The following CSMD1 variants were observed in gnomAD, a reference collection of about 807,000 sequenced individuals.
CSMD1 encodes CUB and Sushi multiple domains 1, also known as CUB and sushi domain-containing protein 1.
A neutral mutation model predicts 417.5 loss-of-function variants in CSMD1; 213 were observed. That is an observed-to-expected ratio of 0.51 (90% CI 0.46 to 0.57). CSMD1 has a LOEUF of 0.57. Ranked by LOEUF, CSMD1 falls within the 20% of genes least tolerant of loss-of-function variation. The pLI, the probability that CSMD1 is intolerant of heterozygous loss-of-function variation, is 0.00. For missense variants in CSMD1, 6,923 were observed against 4,529.7 expected (o/e 1.53, Z -15.17); for synonymous variants, 2,862 against 1,736.8 (o/e 1.65, Z -16.11).
At chr8:4,268,059 C>G (rs747613562) in intron 3 of CSMD1, among the ~76,000 whole-genome samples, 1 of 152,166 alleles carries the variant, frequency 6.6e-6, no homozygotes, top group African/African-American at 2.4e-5. Flanking sequence ...TTCACAATTT[C>G]AAAATCCTCG....
intron 3 of CSMD1, among the ~76,000 whole-genome samples, chr8:4,139,255 G>A (rs1414172409): frequency 6.6e-6 from 1 of 152,184 alleles, no homozygotes; most frequent in African/African-American, 2.4e-5. Flanking sequence ...GCTTCATTAT[G>A]CATCAGTGTA....
At chr8:3,532,140 T>C (rs1250873566) in intron 10 of CSMD1, among the ~76,000 whole-genome samples, 1 of 152,090 alleles carries the variant, frequency 6.6e-6, no homozygotes, top group Non-Finnish European at 1.5e-5. Flanking sequence ...CTCTCTGGAG[T>C]AGAAAGGTGT....
At chr8:4,373,260 A>G (rs1468297453) in intron 3 of CSMD1, among the ~76,000 whole-genome samples, 1 of 152,206 alleles carries the variant, frequency 6.6e-6, no homozygotes, top group Non-Finnish European at 1.5e-5. Context: ...CGAAGGTATG[A>G]TAAGTAAATG....
chr8:3,495,899 T>A (rs1796343315), intron 10 of CSMD1, among the ~76,000 whole-genome samples: 1 of 152,154 alleles, frequency 6.6e-6, no homozygotes, highest in Non-Finnish European at 1.5e-5. Context: ...TTTTTACATA[T>A]AATTATCTTA....
chr8:3,260,580 C>T (rs966564178), intron 26 of CSMD1, among the ~76,000 whole-genome samples: 6 of 151,884 alleles, frequency 4.0e-5, no homozygotes, highest in African/African-American at 1.2e-4. Flanking sequence ...CCACCGAGAA[C>T]AAACCCCCCT....
At chr8:3,010,990 T>C (rs1386174141) in intron 52 of CSMD1, among the ~76,000 whole-genome samples, 2 of 152,104 alleles carry the variant, frequency 1.3e-5, no homozygotes, top group African/African-American at 4.8e-5. Context: ...CCTCCCAAAG[T>C]GCTGGGATTA....
intron 41 of CSMD1, among the ~76,000 whole-genome samples, chr8:3,142,019 G>A (rs192378330): frequency 1.3e-5 from 2 of 151,956 alleles, no homozygotes; most frequent in Non-Finnish European, 2.9e-5. Flanking sequence ...GGATGGTCTC[G>A]ATCTCCTGAC....
chr8:2,998,841 C>G (rs544069707), intron 53 of CSMD1, among the ~76,000 whole-genome samples: 26 of 152,302 alleles, frequency 1.7e-4, no homozygotes, highest in Admixed American at 1.2e-3. Flanking sequence ...AGTCATAAAA[C>G]TGGTGTTTTC....
At chr8:4,226,577 C>G (rs917803268) in intron 3 of CSMD1, among the ~76,000 whole-genome samples, 1 of 152,122 alleles carries the variant, frequency 6.6e-6, no homozygotes, top group African/African-American at 2.4e-5. Flanking sequence ...AAACTAATAA[C>G]TTATTAAAAG....
chr8:3,750,921 C>A (rs1797306234), intron 6 of CSMD1, among the ~76,000 whole-genome samples: 1 of 152,166 alleles, frequency 6.6e-6, no homozygotes, highest in South Asian at 2.1e-4. Flanking sequence ...TAGTGCCTTT[C>A]TGCGTACTGT....
chr8:3,706,525 A>G (rs1176329673), intron 7 of CSMD1, among the ~76,000 whole-genome samples: 1 of 152,206 alleles, frequency 6.6e-6, no homozygotes, highest in Non-Finnish European at 1.5e-5. Context: ...GAAAGGACAG[A>G]ACGCTAATAC....
chr8:3,689,116 A>T (rs117806083), intron 7 of CSMD1, among the ~76,000 whole-genome samples: 2,772 of 152,304 alleles, frequency 0.018, 30 homozygotes, highest in Non-Finnish European at 0.026. Context: ...AACAGCAACC[A>T]AACAACTCCA....
intron 1 of CSMD1, among the ~76,000 whole-genome samples, chr8:4,983,534 T>C (rs1450705942): frequency 6.6e-6 from 1 of 152,142 alleles, no homozygotes; most frequent in Non-Finnish European, 1.5e-5. Flanking sequence ...ACACTTTTTG[T>C]TTTTTGAAAT....
At chr8:4,199,962 C>A (rs188336439) in intron 3 of CSMD1, among the ~76,000 whole-genome samples, 3 of 152,044 alleles carry the variant, frequency 2.0e-5, no homozygotes, top group African/African-American at 7.2e-5. Flanking sequence ...AAAAAAAGAC[C>A]TGAATGAAAT....
At chr8:4,856,120 A>G (rs983840246) in intron 1 of CSMD1, among the ~76,000 whole-genome samples, 20 of 151,876 alleles carry the variant, frequency 1.3e-4, no homozygotes, top group Non-Finnish European at 2.5e-4. Context: ...CAACATTCTT[A>G]AAGACAAGAA....
chr8:3,670,548 C>G (rs62474692), intron 7 of CSMD1, among the ~76,000 whole-genome samples: 1 of 111,570 alleles, frequency 9.0e-6, no homozygotes, highest in East Asian at 2.6e-4. Flanking sequence ...ATACATATAT[C>G]CCATATATAT....
chr8:3,680,303 G>A (rs924466903), intron 7 of CSMD1, among the ~76,000 whole-genome samples: 1 of 152,044 alleles, frequency 6.6e-6, no homozygotes, highest in African/African-American at 2.4e-5. Context: ...GACTAATAAA[G>A]AAGAAAAGAG....
At chr8:3,682,456 G>A (rs779324303) in intron 7 of CSMD1, among the ~76,000 whole-genome samples, 8 of 152,184 alleles carry the variant, frequency 5.3e-5, no homozygotes, top group East Asian at 1.9e-4. Context: ...CATCATCACC[G>A]GCCATCAGAG....
At chr8:3,199,666 T>C (rs896064804) in intron 33 of CSMD1, 48 bp downstream of exon 33, 3 of 1,302,498 alleles carry the variant, frequency 2.3e-6, no homozygotes, top group Admixed American at 2.1e-5. Flanking sequence ...GGGTGCAGCA[T>C]CAGGAAAGAC....
Sources: gnomAD v4.1 joint callset for allele counts (sites outside exome capture counted in the v4.1 genomes callset) on GRCh38, gnomAD v4.1.1 for gene constraint, MANE v1.5 for transcripts, NCBI Gene and HGNC (gene_info 2026-07-23, HGNC 2026-07-21) for gene names.